The following SEPTIN9 variants were observed in gnomAD, a reference collection of about 807,000 sequenced individuals.
The protein encoded by SEPTIN9 is septin 9.
In SEPTIN9, 13 loss-of-function variants were observed where a neutral mutation model predicts 56.6. The ratio of observed to expected loss-of-function variants is 0.23; its 90% confidence interval spans 0.15 to 0.37. The LOEUF (loss-of-function observed/expected upper bound fraction) is 0.37. Among genes scored for constraint, SEPTIN9 ranks in the 10% least tolerant of loss-of-function variants. SEPTIN9 has a pLI of 1.00. For missense variants in SEPTIN9, 650 were observed against 823.1 expected (o/e 0.79, Z 2.57); for synonymous variants, 332 against 334.1 (o/e 0.99, Z 0.07).
At chr17:77,334,452 A>G (rs1426728646) in intron 2 of SEPTIN9, among the ~76,000 whole-genome samples, 2 of 150,616 alleles carry the variant, frequency 1.3e-5, no homozygotes, top group South Asian at 2.1e-4. Flanking sequence ...ATGTTGTTTC[A>G]TATGTTTTTT....
chr17:77,286,038 C>T (rs1434462311), intron 1 of SEPTIN9, among the ~76,000 whole-genome samples: 5 of 152,248 alleles, frequency 3.3e-5, no homozygotes, highest in Non-Finnish European at 7.3e-5. Flanking sequence ...CGCCTGTTCT[C>T]GCTGCCTCTT....
intron 10 of SEPTIN9, among the ~76,000 whole-genome samples, chr17:77,493,882 C>T (rs1018693579): frequency 6.6e-6 from 1 of 151,500 alleles, no homozygotes; most frequent in African/African-American, 2.4e-5. Context: ...AAGTAATTCT[C>T]CTGCCTCAGC....
chr17:77,427,353 A>G (rs2036951997), intron 3 of SEPTIN9, among the ~76,000 whole-genome samples: 1 of 152,176 alleles, frequency 6.6e-6, no homozygotes. Context: ...GGGAAAGGAC[A>G]AAGCTCTCTG....
At chr17:77,442,501 A>C (rs1343728740) in intron 3 of SEPTIN9, among the ~76,000 whole-genome samples, 3 of 130,606 alleles carry the variant, frequency 2.3e-5, no homozygotes, top group Non-Finnish European at 4.8e-5. Flanking sequence ...CCAGCCAACT[A>C]GTCTTAAAAA....
intron 2 of SEPTIN9, among the ~76,000 whole-genome samples, chr17:77,335,991 TATTA>T (rs1422363700): frequency 9.3e-6 from 1 of 107,228 alleles, no homozygotes. Flanking sequence ...TGTGGTCCTA[TATTA>T]GTATATGTAC....
At chr17:77,314,820 G>A (rs1436358645) in intron 2 of SEPTIN9, among the ~76,000 whole-genome samples, 3 of 152,206 alleles carry the variant, frequency 2.0e-5, no homozygotes, top group African/African-American at 7.2e-5. Flanking sequence ...GCCTGGTGTG[G>A]GGAGCACAGT....
chr17:77,494,837 G>C (rs1598476380), intron 10 of SEPTIN9, among the ~76,000 whole-genome samples: 1 of 152,286 alleles, frequency 6.6e-6, no homozygotes, highest in Middle Eastern at 3.4e-3. Flanking sequence ...AGGCACACGG[G>C]CCTTTCCCCT....
At chr17:77,349,229 GC>G (rs559305120) in intron 2 of SEPTIN9, among the ~76,000 whole-genome samples, 2 of 152,034 alleles carry the variant, frequency 1.3e-5, no homozygotes, top group South Asian at 4.1e-4. Flanking sequence ...CGATTCTCCT[GC>G]CTCAGCCTCC....
rs112777533 is a variant in SEPTIN9 at position 77,407,229 on chromosome 17, G to C, written c.721+4526G>C. ...GCATGGGAGGTTGAGGCTGCGGTGA[G>C]CTGAGATTGTGCCACTGCACTCCAG... On this transcript the variant is annotated intron_variant, in intron 3 of 11. Coordinates refer to ENST00000427177, the MANE Select transcript of SEPTIN9 (RefSeq NM_001113491.2). Among the ~76,000 whole-genome samples, 120 of 143,930 alleles carry C rather than the reference G, an allele frequency of 8.3e-4. 2 individuals are homozygous for C. The highest frequency in any genetic ancestry group is 2.9e-3 in the African/African-American group (114 of 38,802). The allele number at this position is 143,930 out of a possible 152,430, so 94.4% of individuals were successfully genotyped here.
At chr17:77,415,459 T>G (rs2036466792) in intron 3 of SEPTIN9, among the ~76,000 whole-genome samples, 1 of 151,776 alleles carries the variant, frequency 6.6e-6, no homozygotes, top group Non-Finnish European at 1.5e-5. Context: ...ATATAAAAAT[T>G]AGCTGGGTGT....
Position 77,330,330 on chromosome 17 carries a change from G to T in SEPTIN9, c.76+23133G>T, listed in dbSNP as rs867366890. Among the ~76,000 whole-genome samples, 1 of 152,216 alleles carries T rather than the reference G, an allele frequency of 6.6e-6. No homozygotes were observed. Among genetic ancestry groups the T allele is most frequent in the Non-Finnish European group, 1.5e-5 (1 of 68,030 alleles). On this transcript the variant is annotated intron_variant, in intron 2 of 11. Coordinates refer to ENST00000427177, the MANE Select transcript of SEPTIN9 (RefSeq NM_001113491.2). The surrounding 1 kb of genome is among the most constrained non-coding windows in gnomAD (Gnocchi z 4.4). ...GTGCCGGGAGCCAGCTCCAATTCAC[G>T]TGCTGGCTGTGGCCCTCAAGGTGTG...
At chr17:77,455,729 T>G (rs2144447877) in intron 3 of SEPTIN9, among the ~76,000 whole-genome samples, 1 of 152,304 alleles carries the variant, frequency 6.6e-6, no homozygotes, top group South Asian at 2.1e-4. Flanking sequence ...TCGATCCACG[T>G]CCTGAGTTCC....
chr17:77,492,606 C>T lies in SEPTIN9; in HGVS notation c.1381-15C>T. On this transcript the variant is annotated splice_polypyrimidine_tract_variant and intron_variant, in intron 8 of 11. Coordinates refer to ENST00000427177, the MANE Select transcript of SEPTIN9 (RefSeq NM_001113491.2). This position sits in a 1 kb window ranked among gnomAD's most constrained non-coding sequence, Gnocchi z 5.4. The stretch of plus-strand genomic sequence containing the variant: ...GCCACAGGGATGGGCCCATCTCTCT[C>T]CCTCCTTATCCCAGATCACCGCAGA... 1 of 1,612,622 alleles carries T rather than the reference C, an allele frequency of 6.2e-7. No homozygotes were observed. The highest frequency in any genetic ancestry group is 8.5e-7 in the Non-Finnish European group (1 of 1,178,768).
chr17:77,482,078 C>T, intron 3 of SEPTIN9, 66 bp from the exon 4 acceptor site: 1 of 1,451,774 alleles, frequency 6.9e-7, no homozygotes, highest in Non-Finnish European at 9.2e-7. Context: ...GGTGTGACAA[C>T]CACCTGGCAG....
chr17:77,381,451 T>C (rs1164732647), intron 2 of SEPTIN9, among the ~76,000 whole-genome samples: 1 of 144,994 alleles, frequency 6.9e-6, no homozygotes, highest in Non-Finnish European at 1.5e-5. Context: ...GCAGGGACCC[T>C]TGGCCCCGCT....
chr17:77,307,808 G>A (rs1345350816), intron 2 of SEPTIN9, among the ~76,000 whole-genome samples: 1 of 152,226 alleles, frequency 6.6e-6, no homozygotes, highest in Non-Finnish European at 1.5e-5. Context: ...ACAGCTTATA[G>A]GCTTGAAGGG....
chr17:77,363,118 GC>G, intron 2 of SEPTIN9, among the ~76,000 whole-genome samples: 1 of 152,318 alleles, frequency 6.6e-6, no homozygotes, highest in East Asian at 1.9e-4. Flanking sequence ...GACAGAGGCT[GC>G]CCAGGACGGT....
intron 1 of SEPTIN9, among the ~76,000 whole-genome samples, chr17:77,299,278 T>C (rs1055259129): frequency 1.3e-5 from 2 of 152,264 alleles, no homozygotes; most frequent in African/African-American, 2.4e-5. Context: ...GCTGTCTCTG[T>C]GCTCCTCTGT....
rs117364362 is a variant in SEPTIN9 at position 77,497,969 on chromosome 17, T to C, written c.1626-554T>C. 7.9e-5 allele frequency among the ~76,000 whole-genome samples: 12 copies of C among 152,092 alleles called. No homozygotes were observed. In the East Asian group the frequency reaches 1.9e-3, roughly 25 times the overall value. The stretch of plus-strand genomic sequence containing the variant: ...GGGGATTCCGGGAGCCGTTCTGCCA[T>C]TGTGGGGATACTGGGCTTTCCAACC... On this transcript the variant is annotated intron_variant, in intron 11 of 11. Coordinates refer to ENST00000427177, the MANE Select transcript of SEPTIN9 (RefSeq NM_001113491.2).
Sources: allele counts gnomAD v4.1 joint callset (sites outside exome capture counted in the v4.1 genomes callset), GRCh38; gene constraint gnomAD v4.1.1; non-coding constraint Gnocchi (gnomAD v3.1); transcripts MANE v1.5; gene names NCBI Gene and HGNC (gene_info 2026-07-23, HGNC 2026-07-21).